Variants in ST3GAL2 observed in about 807,000 individuals in gnomAD.
ST3GAL2 encodes CMP-N-acetylneuraminate-beta-galactosamide-alpha-2,3-sialyltransferase 2.
Under a neutral mutation model 37.5 loss-of-function variants are expected in ST3GAL2, and 16 were observed. That is an observed-to-expected ratio of 0.43 (90% CI 0.29 to 0.65). ST3GAL2 has a LOEUF of 0.65. Among genes scored for constraint, ST3GAL2 ranks in the 30% least tolerant of loss-of-function variants. The pLI is 0.17. For synonymous variants in ST3GAL2, 238 were observed against 202.9 expected (o/e 1.17, Z -1.47); for missense variants, 383 against 487.8 (o/e 0.79, Z 2.02).
chr16:70,385,542 G>A (rs2047436127), intron 4 of ST3GAL2, among the ~76,000 whole-genome samples: 1 of 151,740 alleles, frequency 6.6e-6, no homozygotes, highest in Non-Finnish European at 1.5e-5. Flanking sequence ...GTTATATTGT[G>A]TATATTTTAC....
chr16:70,398,290 C>T lies in ST3GAL2; in HGVS notation c.241G>A (p.Ala81Thr). The T allele has an allele frequency of 6.2e-7, 1 of 1,613,368 alleles. No individual in the cohort carries two copies. Among genetic ancestry groups the T allele is most frequent in the Non-Finnish European group, 8.5e-7 (1 of 1,180,048 alleles). Residue 81 changes from alanine (A) to threonine (T), a missense_variant, in exon 2 of 7, where the codon GCC (alanine) becomes ACC (threonine). By Grantham distance (58) the Ala-to-Thr change is moderately conservative. This residue lies in a region of ST3GAL2 where 223 missense variants were observed against 239.1 expected (regional missense o/e 0.93). Transcript: ENST00000342907. Reference sequence around the variant, plus strand: ...AAGTGGCTGTCAAACCAGTCGGAGGCACCGGCATCGCCCATGCAGCGGCGA... The same window carrying T: ...AAGTGGCTGTCAAACCAGTCGGAGGTACCGGCATCGCCCATGCAGCGGCGA... The part of the protein sequence containing the change: ...ACRRCMGDAG[A>T]SDWFDSHFDG...
At position 70,382,943 on chromosome 16, in the gene ST3GAL2, A is replaced by T. The variant is rs200380602; in HGVS notation, c.760-19T>A. ...TCTGGACCTGGGAGGAGAAGGGATG[A>T]CAGGTATATGAGGGGTTTAGGGGCA... On this transcript the variant is annotated intron_variant, in intron 5 of 6. Coordinates refer to ENST00000342907, the MANE Select transcript of ST3GAL2 (RefSeq NM_006927.4). 13 of 1,611,078 alleles carry T rather than the reference A, an allele frequency of 8.1e-6. No individual in the cohort carries two copies. The African/African-American group carries it at 1.7e-4, about 21-fold the overall frequency.
chr16:70,390,514 G>A (rs1362712613), intron 3 of ST3GAL2, among the ~76,000 whole-genome samples: 1 of 152,230 alleles, frequency 6.6e-6, no homozygotes, highest in East Asian at 1.9e-4. Flanking sequence ...TGGGCCGGAT[G>A]GAAGCCTCTG....
intron 2 of ST3GAL2, among the ~76,000 whole-genome samples, chr16:70,396,620 G>A (rs369975447): frequency 2.0e-5 from 3 of 152,296 alleles, no homozygotes; most frequent in East Asian, 3.9e-4. Context: ...AAGAGCCCAC[G>A]GGGCTCCTAG....
intron 6 of ST3GAL2, 72 bp from the exon 7 acceptor site, chr16:70,381,934 A>G (rs1382242769): frequency 1.9e-6 from 3 of 1,587,852 alleles, no homozygotes; most frequent in Non-Finnish European, 2.6e-6. Flanking sequence ...GCTCGGGATG[A>G]CAGGGAGGAG....
At chr16:70,421,391 C>T (rs1447948044) in intron 1 of ST3GAL2, among the ~76,000 whole-genome samples, 4 of 152,232 alleles carry the variant, frequency 2.6e-5, no homozygotes, top group Admixed American at 6.5e-5. Flanking sequence ...GGGCCCTCCT[C>T]GGTCCCTGCT....
chr16:70,434,436 A>C (rs1362234954), intron 1 of ST3GAL2, among the ~76,000 whole-genome samples: 2 of 152,036 alleles, frequency 1.3e-5, no homozygotes, highest in Admixed American at 1.3e-4. Context: ...ACTCCATCTC[A>C]AAAACAAAAA....
At chr16:70,412,984 C>G (rs1438610001) in intron 1 of ST3GAL2, among the ~76,000 whole-genome samples, 1 of 152,172 alleles carries the variant, frequency 6.6e-6, no homozygotes, top group Non-Finnish European at 1.5e-5. Flanking sequence ...CACGGTGGCA[C>G]ACACCTGTAA....
intron 1 of ST3GAL2, among the ~76,000 whole-genome samples, chr16:70,402,325 G>A (rs1042868052): frequency 1.8e-4 from 27 of 151,112 alleles, no homozygotes; most frequent in Non-Finnish European, 1.8e-4. Context: ...ATAAATTGTG[G>A]TGCATTTTGT....
chr16:70,413,672 G>T (rs1254126707), intron 1 of ST3GAL2, among the ~76,000 whole-genome samples: 1 of 151,042 alleles, frequency 6.6e-6, no homozygotes, highest in Admixed American at 6.6e-5. Flanking sequence ...GGAAGCGGAG[G>T]TTGCAGTGAG....
Position 70,402,654 on chromosome 16 carries a change from ATTT to A in ST3GAL2, c.-1003-3124_-1003-3122del, listed in dbSNP as rs547860238. Among the ~76,000 whole-genome samples, 521 of 151,442 alleles carry A rather than the reference ATTT, an allele frequency of 3.4e-3. 7 individuals carry two copies. The highest frequency in any genetic ancestry group is 0.012 in the African/African-American group (485 of 41,300). ...TAATCCAGGTGGTGGGTACAGAAGT[ATTT>A]TTTTTTCTTTTGAGACGGAGTCTTG... On this transcript the variant is annotated intron_variant, in intron 1 of 6. Coordinates refer to ENST00000342907, the MANE Select transcript of ST3GAL2 (RefSeq NM_006927.4).
rs988522019 is a variant in ST3GAL2 at position 70,380,307 on chromosome 16, C to T, written c.*1382G>A. On this transcript the variant is annotated 3_prime_UTR_variant, in exon 7 of 7. Transcript: ENST00000342907. ...TGTTCCCTCAGCCAGCTGCAGGAAC[C>T]TACCAACGGCCAGGAAGCTGCCTGG... The T allele has an allele frequency of 6.6e-6, 1 of 152,356 alleles. No homozygotes were observed. The highest frequency in any genetic ancestry group is 2.4e-5 in the African/African-American group (1 of 41,464). The allele number at this position is 152,356 out of a possible 1,614,324, so 9.4% of individuals were successfully genotyped here. A position where few individuals can be genotyped will look rare whatever the true frequency, so the allele number is the denominator to read the frequency against.
chr16:70,410,385 G>C (rs1005439270), intron 1 of ST3GAL2, among the ~76,000 whole-genome samples: 8 of 150,542 alleles, frequency 5.3e-5, no homozygotes, highest in African/African-American at 1.7e-4. Flanking sequence ...CCCGTAGCTG[G>C]GACCACAGGT....
chr16:70,395,224 G>C (rs762291296), intron 2 of ST3GAL2, 49 bp from the exon 3 acceptor site: 2 of 1,546,832 alleles, frequency 1.3e-6, no homozygotes, highest in Non-Finnish European at 8.7e-7. Context: ...AGAGGTGTGT[G>C]AAGAAGGAGG....
intron 2 of ST3GAL2, among the ~76,000 whole-genome samples, chr16:70,396,097 G>C (rs1183657477): frequency 6.6e-6 from 1 of 151,086 alleles, no homozygotes; most frequent in African/African-American, 2.4e-5. Flanking sequence ...TCAGCCTCCC[G>C]AGTAGCTGCA....
chr16:70,431,950 C>T (rs4999488), intron 1 of ST3GAL2, among the ~76,000 whole-genome samples: 11,535 of 150,248 alleles, frequency 0.077, 1,495 homozygotes, highest in African/African-American at 0.27. Flanking sequence ...GGCAACAGAG[C>T]GAGACTCCGT....
chr16:70,381,591 G>A lies in ST3GAL2; in HGVS notation c.*98C>T, dbSNP rs898220414. On this transcript the variant is annotated 3_prime_UTR_variant, in exon 7 of 7. Transcript: ENST00000342907. ...TGGCGGGGCACAGCAGACGCCCCTG[G>A]GCTGCAGCATGATTGGTCGCGGGTT... The A allele has an allele frequency of 1.7e-5, 24 of 1,449,398 alleles. No individual in the cohort carries two copies. The highest frequency in any genetic ancestry group is 2.0e-5 in the Non-Finnish European group (22 of 1,079,190). 89.8% of individuals were successfully genotyped at this position (1,449,398 alleles called of 1,614,324 possible). A position where few individuals can be genotyped will look rare whatever the true frequency, so the allele number is the denominator to read the frequency against.
rs951963221 is a variant in ST3GAL2, at chr16:70,383,308, T to C, written c.714-73A>G. On this transcript the variant is annotated intron_variant, in intron 4 of 6. Transcript: ENST00000342907. ...GCTCACACCTGTAATCCCAGCACTTTGGGAGGCTGAGGCAGGTGGATCACC... is the reference window on the plus strand; with the variant it reads ...GCTCACACCTGTAATCCCAGCACTTCGGGAGGCTGAGGCAGGTGGATCACC... 1.8e-5 allele frequency: 27 copies of C among 1,464,012 alleles called. No homozygotes were observed. The African/African-American group carries it at 3.0e-4, about 16-fold the overall frequency. The allele number at this position is 1,464,012 out of a possible 1,614,324, so 90.7% of individuals were successfully genotyped here.
Position 70,403,721 on chromosome 16 carries a change from G to A in ST3GAL2, c.-1003-4188C>T, listed in dbSNP as rs1215842228. ...CCAGCTACTCGGGAGGCTGAGGCAG[G>A]AGAATTGCTTGAACCAGGGAGTCAG... On this transcript the variant is annotated intron_variant, in intron 1 of 6. Coordinates refer to ENST00000342907, the MANE Select transcript of ST3GAL2 (RefSeq NM_006927.4). Among the ~76,000 whole-genome samples, 4 of 152,218 alleles carry A rather than the reference G, an allele frequency of 2.6e-5. No individual in the cohort carries two copies. The East Asian group carries it at 5.8e-4, about 22-fold the overall frequency.
Sources: allele counts gnomAD v4.1 joint callset (sites outside exome capture counted in the v4.1 genomes callset), GRCh38; gene constraint gnomAD v4.1.1; regional missense constraint gnomAD v4.1.1; transcripts MANE v1.5; gene names NCBI Gene and HGNC (gene_info 2026-07-23, HGNC 2026-07-21).